Variants in CD22 observed in about 807,000 individuals in gnomAD.
CD22 encodes the protein B-cell receptor CD22.
Under a neutral mutation model 94.7 loss-of-function variants are expected in CD22, and 51 were observed. The ratio of observed to expected loss-of-function variants is 0.54; its 90% CI spans 0.43 to 0.68. CD22 has a LOEUF of 0.68. Among genes scored for constraint, CD22 ranks in the 30% least tolerant of loss-of-function variants. CD22 has a pLI of 0.00. For missense variants in CD22, 931 were observed against 1,060.4 expected (o/e 0.88, Z 1.69); for synonymous variants, 424 against 422.5 (o/e 1.00, Z -0.04).
chr19:35,333,874 G>T (rs185564897), intron 3 of CD22, among the ~76,000 whole-genome samples: 44 of 152,232 alleles, frequency 2.9e-4, no homozygotes, highest in African/African-American at 1.0e-3. Flanking sequence ...TTCAAGAGAC[G>T]ATGGAAATCT....
chr19:35,340,423 C>T (rs2145668105), intron 6 of CD22, among the ~76,000 whole-genome samples: 1 of 152,322 alleles, frequency 6.6e-6, no homozygotes, highest in East Asian at 1.9e-4. Context: ...GCTGGGACTA[C>T]AGACATGCAC....
chr19:35,334,418 A>G (rs1283122300), intron 3 of CD22, among the ~76,000 whole-genome samples: 3 of 151,850 alleles, frequency 2.0e-5, no homozygotes, highest in Non-Finnish European at 4.4e-5. Flanking sequence ...AAGTAAAACG[A>G]ACATCTTATA....
At position 35,337,851 on chromosome 19, in the gene CD22, C is replaced by T. The variant is rs773596872; in HGVS notation, c.815C>T (p.Pro272Leu). 5.6e-6 allele frequency: 9 copies of T among 1,613,918 alleles called. No individual in the cohort carries two copies. In the East Asian group the frequency reaches 1.6e-4, roughly 28 times the overall value. ...TMTCEVSSSN[P>L]EYTTVSWLKD... is the part of the protein sequence containing the mutation. ...ACCTGCGAGGTCAGCAGCAGCAACC[C>T]GGAGTACACGACGGTATCCTGGCTC... The change falls in exon 5 of 14, where the codon CCG becomes CTG. Residue 272 changes from proline (P) to leucine (L), a missense_variant. Transcript: ENST00000085219. The surrounding 1 kb of genome is among the most constrained non-coding windows in gnomAD (Gnocchi z 4.4).
At position 35,338,024 on chromosome 19, in the gene CD22, G is replaced by A. The variant is rs777306015; in HGVS notation, c.985+3G>A. ...AGAAGTGTTCCTGCAAGTGCAGTGT[G>A]AGCCCCTCGGAGCTGGGGACAGGCC... On this transcript the variant is annotated splice_donor_region_variant and intron_variant, in intron 5 of 13. Transcript: ENST00000085219. 2.9e-5 allele frequency: 46 copies of A among 1,601,334 alleles called. No homozygotes were observed. Among genetic ancestry groups the A allele is most frequent in the Non-Finnish European group, 3.9e-5 (46 of 1,171,828 alleles).
At chr19:35,335,533 G>C (rs2066709300) in intron 3 of CD22, among the ~76,000 whole-genome samples, 1 of 151,958 alleles carries the variant, frequency 6.6e-6, no homozygotes, top group Non-Finnish European at 1.5e-5. Context: ...CTCCAGCCTG[G>C]GTGACAAAGC....
In CD22 at chr19:35,341,740, G is replaced by A; in HGVS notation, c.1810G>A (p.Asp604Asn). The A allele has an allele frequency of 4.3e-6, 7 of 1,611,292 alleles. No homozygotes were observed. The highest frequency in any genetic ancestry group is 5.9e-6 in the Non-Finnish European group (7 of 1,180,006). Reference sequence around the variant, plus strand: ...GCTGCGTGTGTCCATGAGCCCGGGGGACCAAGTGATGGAGGGGAAGAGTGC... The same window carrying A: ...GCTGCGTGTGTCCATGAGCCCGGGGAACCAAGTGATGGAGGGGAAGAGTGC... Reference protein sequence around the residue: ...RRLRVSMSPGDQVMEGKSATL... With the variant: ...RRLRVSMSPGNQVMEGKSATL... The change falls in exon 9 of 14, where the codon GAC (aspartate) becomes AAC (asparagine). Residue 604 changes from aspartate (D) to asparagine (N), a missense_variant. Physicochemically the swap from Asp to Asn is conservative, Grantham distance 23. Transcript: ENST00000085219. This position sits in a 1 kb window ranked among gnomAD's most constrained non-coding sequence, Gnocchi z 4.0.
At chr19:35,333,719 C>G (rs745594743) in intron 3 of CD22, among the ~76,000 whole-genome samples, 1 of 152,072 alleles carries the variant, frequency 6.6e-6, no homozygotes, top group Non-Finnish European at 1.5e-5. Flanking sequence ...GCCCAGCTAA[C>G]TTTTTAATTT....
At chr19:35,345,839 C>T in intron 12 of CD22, 119 bp downstream of exon 12, 1 of 754,376 alleles carries the variant, frequency 1.3e-6, no homozygotes, top group Non-Finnish European at 2.3e-6. Flanking sequence ...CATGCTCTGC[C>T]TCATTCCCAC....
chr19:35,340,576 G>A (rs1296807291), intron 6 of CD22, among the ~76,000 whole-genome samples: 2 of 152,164 alleles, frequency 1.3e-5, no homozygotes, highest in African/African-American at 2.4e-5. Flanking sequence ...CACCATGCCC[G>A]GCCTCAGGAC....
chr19:35,332,936 G>T lies in CD22; in HGVS notation c.412+12G>T, dbSNP rs1323947083. The T allele has an allele frequency of 1.2e-6, 2 of 1,609,476 alleles. No homozygotes were observed. The highest frequency in any genetic ancestry group is 3.3e-5 in the Admixed American group (2 of 59,914). Reference sequence around the variant, plus strand: ...CCTCAATGTCTCTGGTAAGGCCTTCGGGGAGCGGGTCCTCTGCTCTGGGCA... The same window carrying T: ...CCTCAATGTCTCTGGTAAGGCCTTCTGGGAGCGGGTCCTCTGCTCTGGGCA... On this transcript the variant is annotated intron_variant, in intron 3 of 13. Coordinates refer to ENST00000085219, the MANE Select transcript of CD22 (RefSeq NM_001771.4).
rs2066812798 is a variant in CD22, at chr19:35,341,733, C to T, written c.1803C>T (p.Ser601=). Residue 601 remains serine, a synonymous_variant, in exon 9 of 14, where the codon AGC becomes AGT. Coordinates refer to ENST00000085219, the MANE Select transcript of CD22 (RefSeq NM_001771.4). The surrounding 1 kb of genome is among the most constrained non-coding windows in gnomAD (Gnocchi z 4.0). ...CCAGGAGGCTGCGTGTGTCCATGAG[C>T]CCGGGGGACCAAGTGATGGAGGGGA... is the stretch of plus-strand genomic sequence containing the variant. The part of the protein sequence containing the change: ...YAPRRLRVSM[S]PGDQVMEGKS... 6.2e-7 allele frequency: 1 copy of T among 1,610,980 alleles called. No individual in the cohort carries two copies. The highest frequency in any genetic ancestry group is 1.6e-4 in the Middle Eastern group (1 of 6,062).
In CD22 at chr19:35,341,603, C is replaced by T. The variant is rs1455364635; in HGVS notation, c.1768C>T (p.Leu590=). 1.9e-6 allele frequency: 3 copies of T among 1,609,948 alleles called. No homozygotes were observed. Among genetic ancestry groups the T allele is most frequent in the Admixed American group, 3.3e-5 (2 of 59,954 alleles). Residue 590 remains leucine (L), a synonymous_variant, in exon 8 of 14, where the codon CTG becomes TTG. Coordinates refer to ENST00000085219, the MANE Select transcript of CD22 (RefSeq NM_001771.4). This position sits in a 1 kb window ranked among gnomAD's most constrained non-coding sequence, Gnocchi z 4.0. ...TASKAWTLEV[L]YAPRRLRVSM... ...GTCCAAGGCCTGGACACTTGAAGTG[C>T]TGTGTGAGTGAGGGCCGGAGGCTGG...
chr19:35,346,635 T>C lies in CD22; in HGVS notation c.2482T>C (p.Phe828Leu). Residue 828 changes from phenylalanine (F) to leucine (L), a missense_variant, in exon 14 of 14, where the codon TTT becomes CTT. Transcript: ENST00000085219. ...GATTCATTACTCAGAGCTGATCCAG[T>C]TTGGGGTCGGGGAGCGGCCTCAGGC... ...EGIHYSELIQ[F>L]GVGERPQAQE... is the part of the protein sequence containing the mutation. The C allele has an allele frequency of 1.2e-6, 2 of 1,608,258 alleles. No individual in the cohort carries two copies. Among genetic ancestry groups the C allele is most frequent in the Non-Finnish European group, 1.7e-6 (2 of 1,177,138 alleles).
rs1243982886 is a variant in CD22 at position 35,341,041 on chromosome 19, G to T, written c.1410G>T (p.Leu470=). ...GAWEEPSLGV[L]KIQNVGWDNT... ...GGGAGGAGCCATCGCTTGGGGTGCT[G>T]AAGATCCAAAACGTTGGCTGGGACA... The change falls in exon 7 of 14, where the codon CTG becomes CTT. Residue 470 remains leucine, a synonymous_variant. Transcript: ENST00000085219. This position sits in a 1 kb window ranked among gnomAD's most constrained non-coding sequence, Gnocchi z 4.0. 2 of 1,614,242 alleles carry T rather than the reference G, an allele frequency of 1.2e-6. No homozygotes were observed. The highest frequency in any genetic ancestry group is 2.2e-5 in the South Asian group (2 of 91,090).
intron 6 of CD22, among the ~76,000 whole-genome samples, chr19:35,339,194 T>C (rs2066770081): frequency 1.3e-5 from 2 of 152,116 alleles, no homozygotes. Flanking sequence ...ACTATGTTCC[T>C]GCTACTGCAC....
chr19:35,342,013 CCTTCCTTCCTTCCTTCCTTCCT>C (rs2066819103), intron 9 of CD22, 48 bp downstream of exon 9: 1 of 475,626 alleles, frequency 2.1e-6, no homozygotes, highest in African/African-American at 5.9e-5. Context: ...GTCAGTCCTT[CCTTCCTTCCTTCCTTCCTTCCT>C]TCCTTCCTTC....
At chr19:35,332,203 G>A (rs986419162) in intron 2 of CD22, 129 bp downstream of exon 2, 11 of 957,372 alleles carry the variant, frequency 1.1e-5, no homozygotes, top group South Asian at 2.8e-5. Context: ...ATAGATAAAT[G>A]TACATACAAA....
intron 9 of CD22, among the ~76,000 whole-genome samples, chr19:35,343,197 C>T (rs1175469428): frequency 1.3e-5 from 2 of 151,756 alleles, no homozygotes; most frequent in Non-Finnish European, 2.9e-5. Flanking sequence ...CCCCTAGGCT[C>T]AAGTGATACT....
intron 4 of CD22, among the ~76,000 whole-genome samples, chr19:35,336,847 A>G (rs541336399): frequency 1.3e-5 from 2 of 152,354 alleles, no homozygotes; most frequent in East Asian, 3.9e-4. Context: ...AAGCAATGTT[A>G]ACAAAGAAAT....
Sources: allele counts gnomAD v4.1 joint callset (sites outside exome capture counted in the v4.1 genomes callset), GRCh38; gene constraint gnomAD v4.1.1; non-coding constraint Gnocchi (gnomAD v3.1); transcripts MANE v1.5; gene names NCBI Gene and HGNC (gene_info 2026-07-23, HGNC 2026-07-21).